MAPT: variants seen among roughly 807,000 people sequenced by gnomAD.
MAPT encodes the protein microtubule associated protein tau, also known as microtubule-associated protein tau.
In MAPT, 34 loss-of-function variants were observed where a neutral mutation model predicts 67.9. That is an observed-to-expected ratio of 0.50 (90% confidence interval 0.38 to 0.67). The LOEUF (loss-of-function observed/expected upper bound fraction) is 0.67. Ranked by LOEUF, MAPT falls within the 30% of genes least tolerant of loss-of-function variation. The pLI is 0.00. For synonymous variants in MAPT, 456 were observed against 464.5 expected, an observed-to-expected ratio of 0.98 and a Z score of 0.23; for missense variants, 881 against 1,115.2, an observed-to-expected ratio of 0.79 and a Z score of 2.99.
chr17:45,964,191 G>GTT (rs201983444), intron 2 of MAPT, among the ~76,000 whole-genome samples: 1 of 151,186 alleles, frequency 6.6e-6, no homozygotes, highest in Non-Finnish European at 1.5e-5. Context: ...TTTCTCCTTT[G>GTT]TTTTGTTTTT....
At position 45,993,986 on chromosome 17, in the gene MAPT, G is replaced by C. The variant is rs1244717439; in HGVS notation, c.1732+2400G>C. 1.9e-6 allele frequency: 3 copies of C among 1,565,028 alleles called. No individual in the cohort carries two copies. In the East Asian group the frequency reaches 7.1e-5, roughly 37 times the overall value. On this transcript the variant is annotated intron_variant, in intron 8 of 12. Coordinates refer to ENST00000262410, the MANE Select transcript of MAPT (RefSeq NM_001377265.1). ...GCCCAGATCTGAGAGAGGTACTCGG[G>C]AGCCTACTTCGCTGGGAGCAGCCTC...
chr17:45,944,360 A>C (rs926694440), intron 1 of MAPT, among the ~76,000 whole-genome samples: 1 of 152,120 alleles, frequency 6.6e-6, no homozygotes, highest in African/African-American at 2.4e-5. Context: ...CGTGAAGCCA[A>C]AGCCTCCACC....
At chr17:46,001,314 T>TA (rs67868885) in intron 9 of MAPT, among the ~76,000 whole-genome samples, 22,062 of 152,274 alleles carry the variant, frequency 0.14, 2,145 homozygotes, top group Non-Finnish European at 0.22. Context: ...TTTTGTTATT[T>TA]AAAAAATTAA....
intron 1 of MAPT, among the ~76,000 whole-genome samples, chr17:45,938,555 T>C (rs1227215754): frequency 6.6e-6 from 1 of 152,214 alleles, no homozygotes; most frequent in Admixed American, 6.5e-5. Context: ...CTCTTTGCCA[T>C]GTACAGTGAC....
intron 1 of MAPT, among the ~76,000 whole-genome samples, chr17:45,955,216 C>T (rs1460443422): frequency 1.3e-5 from 2 of 152,154 alleles, no homozygotes; most frequent in Non-Finnish European, 2.9e-5. Flanking sequence ...GACCCCCATC[C>T]CCTATTTCCC....
At chr17:45,963,108 A>G (rs1371778552) in intron 2 of MAPT, among the ~76,000 whole-genome samples, 3 of 152,206 alleles carry the variant, frequency 2.0e-5, no homozygotes, top group Non-Finnish European at 4.4e-5. Context: ...ATGTGACTTT[A>G]AACATTGCTT....
In MAPT at chr17:45,996,406, T is replaced by A. The variant is rs1217620441; in HGVS notation, c.1740T>A (p.Pro580=). The A allele has an allele frequency of 6.2e-7, 1 of 1,611,734 alleles. No individual in the cohort carries two copies. ...APKTPPSSGE[P]PKSGDRSGYS... is the part of the protein sequence containing the mutation. ...CCCTTCCTTCCTTCCCAGGTGAACCTCCAAAATCAGGGGATCGCAGCGGCT... is the reference window on the plus strand; with the variant it reads ...CCCTTCCTTCCTTCCCAGGTGAACCACCAAAATCAGGGGATCGCAGCGGCT... The change falls in exon 9 of 13, where the codon CCT becomes CCA. Residue 580 remains proline, a synonymous_variant. Coordinates refer to ENST00000262410, the MANE Select transcript of MAPT (RefSeq NM_001377265.1). The surrounding 1 kb of genome is among the most constrained non-coding windows in gnomAD (Gnocchi z 4.5).
chr17:45,999,575 C>G (rs756411772), intron 9 of MAPT: 2 of 1,612,492 alleles, frequency 1.2e-6, no homozygotes, highest in South Asian at 2.2e-5. Context: ...ATTGAAGGCC[C>G]CTTTCAGGGC....
At chr17:46,014,522 T>C (rs2076026447) in intron 11 of MAPT, among the ~76,000 whole-genome samples, 198 bp downstream of exon 11, 1 of 152,056 alleles carries the variant, frequency 6.6e-6, no homozygotes, top group Admixed American at 6.6e-5. Flanking sequence ...GCCCAGGCCA[T>C]GCTGCCCAAG....
chr17:45,955,766 C>T (rs113520245), intron 1 of MAPT, among the ~76,000 whole-genome samples: 21,589 of 151,552 alleles, frequency 0.14, 2,114 homozygotes, highest in Non-Finnish European at 0.22. Flanking sequence ...AAAGGAGTCT[C>T]ACTCTATTGC....
At chr17:45,961,575 C>T (rs1477552023) in intron 1 of MAPT, among the ~76,000 whole-genome samples, 5 of 152,190 alleles carry the variant, frequency 3.3e-5, no homozygotes, top group Non-Finnish European at 7.3e-5. Flanking sequence ...ACCATCTCTT[C>T]ACTTCTCCGT....
intron 1 of MAPT, among the ~76,000 whole-genome samples, chr17:45,918,201 C>G (rs1256992181): frequency 6.6e-6 from 1 of 152,242 alleles, no homozygotes; most frequent in Non-Finnish European, 1.5e-5. Flanking sequence ...GGTCATCTCT[C>G]CCTGCACCTG....
At chr17:45,913,111 C>G (rs910805241) in intron 1 of MAPT, among the ~76,000 whole-genome samples, 1 of 152,182 alleles carries the variant, frequency 6.6e-6, no homozygotes, top group Admixed American at 6.5e-5. Context: ...AAGACATACC[C>G]GAGACTGGGG....
chr17:45,967,683 T>C (rs1033554609), intron 2 of MAPT, among the ~76,000 whole-genome samples: 2 of 152,134 alleles, frequency 1.3e-5, no homozygotes, highest in South Asian at 4.2e-4. Flanking sequence ...TTCTGCTTCA[T>C]GCACAGAACC....
chr17:45,924,632 T>C (rs547781822), intron 1 of MAPT, among the ~76,000 whole-genome samples: 63 of 152,340 alleles, frequency 4.1e-4, no homozygotes, highest in Non-Finnish European at 8.5e-4. Context: ...ATCACATGCG[T>C]ACACCCATGT....
chr17:46,019,104 T>C (rs2076360240), intron 12 of MAPT, among the ~76,000 whole-genome samples: 2 of 152,202 alleles, frequency 1.3e-5, no homozygotes. Context: ...AGAGGTTTAA[T>C]GGACTCACAG....
At chr17:46,000,451 G>A (rs770472312) in intron 9 of MAPT, among the ~76,000 whole-genome samples, 15 of 152,168 alleles carry the variant, frequency 9.9e-5, no homozygotes, top group Non-Finnish European at 1.9e-4. Flanking sequence ...GCAAGGAGGA[G>A]GAGCTGGGTG....
Position 46,023,868 on chromosome 17 carries a change from A to T in MAPT, c.2287-88A>T. 4 of 1,095,702 alleles carry T rather than the reference A, an allele frequency of 3.7e-6. No individual in the cohort carries two copies. In the South Asian group the frequency reaches 5.0e-5, roughly 14 times the overall value. The allele number at this position is 1,095,702 out of a possible 1,614,324, so 67.9% of individuals were successfully genotyped here. A position where few individuals can be genotyped will look rare whatever the true frequency, so the allele number is the denominator to read the frequency against. Reference sequence around the variant, plus strand: ...AAACAAACAAAAAACAGTCCCTGGCACTCTGGGCCAGGCCTGGCAGGGCAG... The same window carrying T: ...AAACAAACAAAAAACAGTCCCTGGCTCTCTGGGCCAGGCCTGGCAGGGCAG... On this transcript the variant is annotated intron_variant, in intron 12 of 12. Coordinates refer to ENST00000262410, the MANE Select transcript of MAPT (RefSeq NM_001377265.1).
Position 45,897,903 on chromosome 17 carries a change from G to T in MAPT, c.-18+3217G>T, listed in dbSNP as rs1399345002. 6.6e-6 allele frequency: 1 copy of T among 152,104 alleles called. No homozygotes were observed. Among genetic ancestry groups the T allele is most frequent in the Admixed American group, 6.5e-5 (1 of 15,276 alleles). 9.4% of individuals were successfully genotyped at this position (152,104 alleles called of 1,614,324 possible). ...GACAGGGAAATGTCTTTCCTACCGC[G>T]GTTGATTCTGGGGTGTCATTTTGTG... On this transcript the variant is annotated intron_variant, in intron 1 of 12. Transcript: ENST00000262410. The surrounding 1 kb of genome is among the most constrained non-coding windows in gnomAD (Gnocchi z 5.0).
Sources: gnomAD v4.1 joint callset for allele counts (sites outside exome capture counted in the v4.1 genomes callset) on GRCh38, gnomAD v4.1.1 for gene constraint, Gnocchi (gnomAD v3.1) non-coding constraint, MANE v1.5 for transcripts, NCBI Gene and HGNC (gene_info 2026-07-23, HGNC 2026-07-21) for gene names.